Variants in LRRC9 observed in about 807,000 individuals in gnomAD.
LRRC9 encodes leucine-rich repeat-containing protein 9.
LRRC9 carries 122 observed loss-of-function variants against 63.2 expected under a neutral mutation model. The observed-to-expected ratio is 1.93, with a 90% CI of 1.67 to 2.24. LRRC9 has a LOEUF of 2.24. Ranked by LOEUF, LRRC9 falls within the 30% of genes most tolerant of loss-of-function variation. LRRC9 has a pLI of 0.00. For missense variants in LRRC9, 1,071 were observed against 627.7 expected (o/e 1.71, Z -7.55); for synonymous variants, 366 against 213.1 (o/e 1.72, Z -6.25).
chr14:59,941,527 ATAAG>A (rs1382719228), intron 7 of LRRC9, among the ~76,000 whole-genome samples: 1 of 151,870 alleles, frequency 6.6e-6, no homozygotes, highest in Non-Finnish European at 1.5e-5. Context: ...TTAAATAAGT[ATAAG>A]TAAGTTTAGT....
Position 59,923,858 on chromosome 14 carries a change from G to C in LRRC9, c.-34+3975G>C, listed in dbSNP as rs1417458953. 6.6e-6 allele frequency among the ~76,000 whole-genome samples: 1 copy of C among 152,152 alleles called. No individual in the cohort carries two copies. The highest frequency in any genetic ancestry group is 1.5e-5 in the Non-Finnish European group (1 of 68,008). On this transcript the variant is annotated intron_variant, in intron 1 of 31. Transcript: ENST00000445360. The surrounding 1 kb of genome is among the most constrained non-coding windows in gnomAD (Gnocchi z 4.2). ...CCGAAGGCTGAGGCAGGAGTATGGC[G>C]TGAACCCGGGAGGTGGAGCTTGCAG...
Position 60,060,032 on chromosome 14 carries a change from C to T in LRRC9, c.4276+2010C>T, listed in dbSNP as rs1445431623. ...CTGACTCTCTTGTTAGGGGCTAGTG[C>T]AGCTGGTGACTTTAAGTTGAATACA... On this transcript the variant is annotated intron_variant, in intron 31 of 31. Transcript: ENST00000445360. The surrounding 1 kb of genome is among the most constrained non-coding windows in gnomAD (Gnocchi z 4.0). Among the ~76,000 whole-genome samples, 1 of 152,212 alleles carries T rather than the reference C, an allele frequency of 6.6e-6. No homozygotes were observed. Among genetic ancestry groups the T allele is most frequent in the Non-Finnish European group, 1.5e-5 (1 of 68,042 alleles).
chr14:60,003,755 G>A lies in LRRC9; in HGVS notation c.2799G>A (p.Leu933=), dbSNP rs1889581404. Reference sequence around the variant, plus strand: ...AGGGTCTGGAATCCTGTATTAACTTGGAAGAGCTCACATTAGATGGAAACT... The same window carrying A: ...AGGGTCTGGAATCCTGTATTAACTTAGAAGAGCTCACATTAGATGGAAACT... The change falls in exon 21 of 32, where the codon TTG becomes TTA. Residue 933 remains leucine (L), a synonymous_variant. Transcript: ENST00000445360. This position sits in a 1 kb window ranked among gnomAD's most constrained non-coding sequence, Gnocchi z 4.2. 1 of 674,828 alleles carries A rather than the reference G, an allele frequency of 1.5e-6. No individual in the cohort carries two copies. The highest frequency in any genetic ancestry group is 2.7e-6 in the Non-Finnish European group (1 of 374,204). 41.8% of individuals were successfully genotyped at this position (674,828 alleles called of 1,614,324 possible).
intron 25 of LRRC9, 128 bp downstream of exon 25, chr14:60,018,607 TTTG>T (rs2140278321): frequency 2.0e-6 from 1 of 503,038 alleles, no homozygotes; most frequent in Non-Finnish European, 3.5e-6. Context: ...TGGGTTTTTT[TTTG>T]TTTTTTACTA....
intron 12 of LRRC9, among the ~76,000 whole-genome samples, chr14:59,973,026 A>G (rs191374211): frequency 1.1e-3 from 171 of 152,268 alleles, no homozygotes; most frequent in African/African-American, 3.8e-3. Context: ...GTATTTATAG[A>G]GTAGATTCTT....
At chr14:60,052,968 CCT>C in intron 29 of LRRC9, 95 bp from the exon 30 acceptor site, 1 of 551,934 alleles carries the variant, frequency 1.8e-6, no homozygotes, top group Non-Finnish European at 3.2e-6. Flanking sequence ...TATTATTTGT[CCT>C]CTTTGTTGCC....
chr14:60,065,571 C>G (rs1252680408), downstream of LRRC9, among the ~76,000 whole-genome samples: 1 of 141,806 alleles, frequency 7.1e-6, no homozygotes, highest in Non-Finnish European at 1.5e-5. Context: ...TCGCTTGAAC[C>G]AGGGAGGCAG....
chr14:60,021,443 T>C (rs1323323478), intron 26 of LRRC9, among the ~76,000 whole-genome samples: 1 of 151,918 alleles, frequency 6.6e-6, no homozygotes, highest in Non-Finnish European at 1.5e-5. Context: ...CTGTGGCCTC[T>C]CTTTTCATTT....
intron 30 of LRRC9, among the ~76,000 whole-genome samples, chr14:60,055,164 A>C (rs1014020304): frequency 6.6e-6 from 1 of 152,242 alleles, no homozygotes; most frequent in Non-Finnish European, 1.5e-5. Flanking sequence ...TGTGATTTTA[A>C]AAGTTTTACA....
intron 15 of LRRC9, among the ~76,000 whole-genome samples, chr14:59,981,471 T>C (rs1886920338): frequency 6.6e-6 from 1 of 152,226 alleles, no homozygotes; most frequent in Non-Finnish European, 1.5e-5. Context: ...TCTCTGGATC[T>C]GATTTTAAAA....
At chr14:59,956,136 G>T (rs898915799) in intron 8 of LRRC9, among the ~76,000 whole-genome samples, 1 of 152,120 alleles carries the variant, frequency 6.6e-6, no homozygotes, top group Non-Finnish European at 1.5e-5. Context: ...GGAGAGTTCT[G>T]TAAATGCCTA....
At chr14:59,945,053 TAG>T (rs1284192766) in intron 8 of LRRC9, among the ~76,000 whole-genome samples, 1 of 151,906 alleles carries the variant, frequency 6.6e-6, no homozygotes, top group Non-Finnish European at 1.5e-5. Context: ...CAATATGATT[TAG>T]AGTGTTACAA....
chr14:59,931,859 AC>A (rs990800724), intron 5 of LRRC9, 109 bp from the exon 6 acceptor site: 1 of 624,432 alleles, frequency 1.6e-6, no homozygotes, highest in Non-Finnish European at 2.8e-6. Flanking sequence ...ATACAATGGT[AC>A]CATTAGTCTA....
In LRRC9 at chr14:60,058,763, A is replaced by C. The variant is rs896288477; in HGVS notation, c.4276+741A>C. The stretch of plus-strand genomic sequence containing the variant: ...GACAATAAAACTGAACATCACAATA[A>C]TTATAAAATGATCTAAGAGCCTCCT... On this transcript the variant is annotated intron_variant, in intron 31 of 31. Transcript: ENST00000445360. The surrounding 1 kb of genome is among the most constrained non-coding windows in gnomAD (Gnocchi z 4.4). Among the ~76,000 whole-genome samples, 1 of 151,978 alleles carries C rather than the reference A, an allele frequency of 6.6e-6. No individual in the cohort carries two copies. Among genetic ancestry groups the C allele is most frequent in the African/African-American group, 2.4e-5 (1 of 41,418 alleles).
chr14:60,019,444 C>A (rs1035669027), intron 26 of LRRC9, among the ~76,000 whole-genome samples, 184 bp downstream of exon 26: 2 of 151,806 alleles, frequency 1.3e-5, no homozygotes, highest in Non-Finnish European at 2.9e-5. Context: ...CAAAATATTT[C>A]TCTCATTGTT....
At chr14:60,052,403 T>A (rs185189615) in intron 29 of LRRC9, among the ~76,000 whole-genome samples, 6 of 152,290 alleles carry the variant, frequency 3.9e-5, no homozygotes, top group African/African-American at 1.4e-4. Context: ...TTCAATGATT[T>A]TTTTGGGGGA....
chr14:59,976,592 C>A (rs1742615943), intron 13 of LRRC9, among the ~76,000 whole-genome samples: 2 of 152,180 alleles, frequency 1.3e-5, no homozygotes, highest in Admixed American at 1.3e-4. Flanking sequence ...CATTCTTCTC[C>A]ATTTTCATAT....
chr14:59,991,492 C>T (rs1487585536), intron 17 of LRRC9, among the ~76,000 whole-genome samples: 1 of 152,004 alleles, frequency 6.6e-6, no homozygotes, highest in Non-Finnish European at 1.5e-5. Context: ...TGCAGCACAC[C>T]GAGCGTGAGC....
Position 60,016,656 on chromosome 14 carries a change from A to G in LRRC9, c.3187-4A>G, listed in dbSNP as rs200015855. On this transcript the variant is annotated splice_polypyrimidine_tract_variant and splice_region_variant and intron_variant, in intron 23 of 31. Transcript: ENST00000445360. ...GACATCATTTTCTAAATATCTTCAT[A>G]TAGGAACCATCAGAGACTGACAGTG... 3.2e-4 allele frequency: 220 copies of G among 693,550 alleles called. No individual in the cohort carries two copies. Among genetic ancestry groups the G allele is most frequent in the Non-Finnish European group, 7.9e-5 (30 of 377,784 alleles). The allele number at this position is 693,550 out of a possible 1,614,324, so 43.0% of individuals were successfully genotyped here.
Sources: allele counts gnomAD v4.1 joint callset (sites outside exome capture counted in the v4.1 genomes callset), GRCh38; gene constraint gnomAD v4.1.1; non-coding constraint Gnocchi (gnomAD v3.1); transcripts MANE v1.5; gene names NCBI Gene and HGNC (gene_info 2026-07-23, HGNC 2026-07-21).